AHI1: variants seen among roughly 807,000 people sequenced by gnomAD.
AHI1 encodes the protein jouberin.
A neutral mutation model predicts 149.3 loss-of-function variants in AHI1; 123 were observed. That is an observed-to-expected ratio of 0.82 (90% CI 0.71 to 0.96). The LOEUF (loss-of-function observed/expected upper bound fraction) is 0.96, where lower values mean the gene tolerates loss of function less well. Ranked by LOEUF, AHI1 falls within the 40% of genes least tolerant of loss-of-function variation. The pLI, the probability that AHI1 is intolerant of heterozygous loss-of-function variation, is 0.00. For missense variants in AHI1, 1,439 were observed against 1,422.7 expected (o/e 1.01, Z -0.18); for synonymous variants, 475 against 459.8 (o/e 1.03, Z -0.42).
intron 23 of AHI1, among the ~76,000 whole-genome samples, chr6:135,371,388 T>C (rs1397185583): frequency 6.6e-6 from 1 of 152,180 alleles, no homozygotes. Flanking sequence ...GTGATTTTCT[T>C]TCCTATGTAA....
chr6:135,310,330 T>C (rs1395094126), intron 26 of AHI1, among the ~76,000 whole-genome samples: 2 of 152,206 alleles, frequency 1.3e-5, no homozygotes, highest in Non-Finnish European at 2.9e-5. Context: ...CACATGCACA[T>C]TGAGGGCAAT....
At chr6:135,492,345 T>C (rs1795363400) in intron 3 of AHI1, 54 bp from the exon 4 acceptor site, 2 of 1,466,166 alleles carry the variant, frequency 1.4e-6, no homozygotes. Flanking sequence ...ATAAAAATTA[T>C]AAAACGTTCT....
chr6:135,310,633 T>A (rs1237868439), intron 26 of AHI1, among the ~76,000 whole-genome samples: 1 of 152,212 alleles, frequency 6.6e-6, no homozygotes, highest in African/African-American at 2.4e-5. Flanking sequence ...CATGTGAAGA[T>A]TAGCTATAAT....
rs1794711509 is a variant in AHI1 at position 135,487,918 on chromosome 6, G to C, written c.135+2705C>G. On this transcript the variant is annotated intron_variant, in intron 5 of 28. Coordinates refer to ENST00000265602, the MANE Select transcript of AHI1 (RefSeq NM_001134831.2). ...AATCTTAAATCTTTTTTTTTTTCCA[G>C]GGAGGGAACACTGATATTTCTCTAA... Among the ~76,000 whole-genome samples the C allele has an allele frequency of 2.0e-5, 3 of 150,914 alleles. No individual in the cohort carries two copies. The East Asian group carries it at 5.8e-4, about 29-fold the overall frequency.
intron 23 of AHI1, chr6:135,388,119 T>A (rs1777886536): frequency 7.0e-7 from 1 of 1,432,248 alleles, no homozygotes; most frequent in African/African-American, 1.4e-5. Flanking sequence ...TTTAAGGGCA[T>A]CTGCCTATAG....
intron 7 of AHI1, among the ~76,000 whole-genome samples, chr6:135,464,560 A>G (rs145491010): frequency 2.4e-4 from 37 of 152,286 alleles, no homozygotes; most frequent in African/African-American, 8.9e-4. Flanking sequence ...AAAGTAATGA[A>G]TGCCACTTAT....
chr6:135,334,723 T>A (rs995464164), intron 24 of AHI1, among the ~76,000 whole-genome samples: 1 of 152,156 alleles, frequency 6.6e-6, no homozygotes, highest in African/African-American at 2.4e-5. Flanking sequence ...GAAGAAAAAA[T>A]CATAGTGTAT....
chr6:135,322,798 C>T (rs773071264), intron 25 of AHI1, among the ~76,000 whole-genome samples: 8 of 152,162 alleles, frequency 5.3e-5, no homozygotes, highest in Non-Finnish European at 1.0e-4. Context: ...AGTTGGGGAA[C>T]TAGAAGCTCT....
chr6:135,411,932 T>C (rs1781654357), intron 20 of AHI1, among the ~76,000 whole-genome samples: 1 of 152,218 alleles, frequency 6.6e-6, no homozygotes, highest in African/African-American at 2.4e-5. Flanking sequence ...TTCTTAATTT[T>C]TACACACACA....
Position 135,389,727 on chromosome 6 carries a change from A to G in AHI1, c.3109+5049T>C, listed in dbSNP as rs377295627. Among the ~76,000 whole-genome samples the G allele has an allele frequency of 3.5e-4, 54 of 152,398 alleles. No individual in the cohort carries two copies. The South Asian group carries it at 0.011, about 30-fold the overall frequency. On this transcript the variant is annotated intron_variant, in intron 23 of 28. Transcript: ENST00000265602. ...ATTTAATATGAATTAAATTTAATTT[A>G]GAGCAATGCTGTGAAAATATATACA...
chr6:135,344,023 G>T (rs1790773502), intron 24 of AHI1, among the ~76,000 whole-genome samples: 1 of 151,898 alleles, frequency 6.6e-6, no homozygotes, highest in Non-Finnish European at 1.5e-5. Flanking sequence ...TTGGAGGATT[G>T]GTTCCAGGAT....
intron 23 of AHI1, among the ~76,000 whole-genome samples, chr6:135,376,805 C>T (rs1034333617): frequency 7.0e-6 from 1 of 142,278 alleles, no homozygotes; most frequent in African/African-American, 2.6e-5. Context: ...TCACCTGAAC[C>T]CGGGAGGCAA....
intron 23 of AHI1, among the ~76,000 whole-genome samples, chr6:135,393,236 TTC>T (rs2128483008): frequency 6.6e-6 from 1 of 152,084 alleles, no homozygotes; most frequent in East Asian, 1.9e-4. Context: ...TTCAAAGGCC[TTC>T]CTACCTATTC....
intron 10 of AHI1, among the ~76,000 whole-genome samples, chr6:135,454,451 T>G (rs1788606336): frequency 6.6e-6 from 1 of 152,166 alleles, no homozygotes; most frequent in African/African-American, 2.4e-5. Context: ...GATCTAAATG[T>G]AGGTTATTTT....
At chr6:135,289,604 ATAATTT>A (rs1782092384) in intron 28 of AHI1, among the ~76,000 whole-genome samples, 1 of 152,038 alleles carries the variant, frequency 6.6e-6, no homozygotes. Flanking sequence ...TTTGACCTGC[ATAATTT>A]TAAAGTTTCC....
At chr6:135,377,034 GAATAA>G (rs1776054588) in intron 23 of AHI1, among the ~76,000 whole-genome samples, 1 of 151,126 alleles carries the variant, frequency 6.6e-6, no homozygotes, top group African/African-American at 2.4e-5. Context: ...ACTGGATGCT[GAATAA>G]AATAAGCAAG....
chr6:135,308,038 G>A (rs771408243), intron 26 of AHI1, among the ~76,000 whole-genome samples: 9 of 152,176 alleles, frequency 5.9e-5, no homozygotes, highest in Non-Finnish European at 1.2e-4. Context: ...CAGAGTTAGG[G>A]TGACGGAGAA....
intron 23 of AHI1, among the ~76,000 whole-genome samples, chr6:135,392,117 T>C (rs1473749790): frequency 3.9e-5 from 6 of 152,170 alleles, no homozygotes; most frequent in African/African-American, 1.4e-4. Flanking sequence ...ATTTCAGAAT[T>C]TGTCACATTC....
rs543395768 is a variant in AHI1, at chr6:135,471,969, G to A, written c.136-4335C>T. ...GGAGCTTGCAGTGAGCCGAGATTGC[G>A]CCACTGCAGTCCGCAGTCCGGCCTG... On this transcript the variant is annotated intron_variant, in intron 5 of 28. Coordinates refer to ENST00000265602, the MANE Select transcript of AHI1 (RefSeq NM_001134831.2). Among the ~76,000 whole-genome samples, 499 of 131,126 alleles carry A rather than the reference G, an allele frequency of 3.8e-3. 1 individual carries two copies. The highest frequency in any genetic ancestry group is 0.015 in the African/African-American group (480 of 33,094). 86.0% of individuals were successfully genotyped at this position (131,126 alleles called of 152,430 possible).
Sources: allele counts gnomAD v4.1 joint callset (sites outside exome capture counted in the v4.1 genomes callset), GRCh38; gene constraint gnomAD v4.1.1; transcripts MANE v1.5; gene names NCBI Gene and HGNC (gene_info 2026-07-23, HGNC 2026-07-21).